Variants in TBC1D14 observed in about 807,000 individuals in gnomAD.
TBC1D14 encodes the protein TBC1 domain family, member 14.
Under a neutral mutation model 79.0 loss-of-function variants are expected in TBC1D14, and 26 were observed. The ratio of observed to expected loss-of-function variants is 0.33; its 90% CI spans 0.24 to 0.46. The LOEUF is 0.46. Ranked by LOEUF, TBC1D14 falls within the 20% of genes least tolerant of loss-of-function variation. The pLI is 1.00. For missense variants in TBC1D14, 769 were observed against 887.6 expected (o/e 0.87, Z 1.70); for synonymous variants, 394 against 349.9 (o/e 1.13, Z -1.40).
chr4:7,029,983 C>T (rs1464383857), intron 13 of TBC1D14, among the ~76,000 whole-genome samples: 1 of 152,154 alleles, frequency 6.6e-6, no homozygotes, highest in Non-Finnish European at 1.5e-5. Flanking sequence ...GGCAGGAGTG[C>T]AGCGGGATGG....
At chr4:6,978,054 C>A (rs950694022) in intron 3 of TBC1D14, among the ~76,000 whole-genome samples, 1 of 151,754 alleles carries the variant, frequency 6.6e-6, no homozygotes, top group Non-Finnish European at 1.5e-5. Flanking sequence ...GCAGCCACCC[C>A]GTCTGGGAGG....
intron 11 of TBC1D14, among the ~76,000 whole-genome samples, chr4:7,013,183 G>T (rs1577171031): frequency 6.6e-6 from 1 of 152,356 alleles, no homozygotes; most frequent in South Asian, 2.1e-4. Flanking sequence ...TTGAACTTAG[G>T]ACTGTGTGAC....
chr4:6,928,325 T>C (rs1452726973), intron 2 of TBC1D14, among the ~76,000 whole-genome samples: 3 of 152,134 alleles, frequency 2.0e-5, no homozygotes, highest in African/African-American at 7.2e-5. Flanking sequence ...GGGAGCTCCT[T>C]GGGGGCAGAG....
chr4:7,019,949 G>T (rs578092399), intron 12 of TBC1D14, among the ~76,000 whole-genome samples: 4 of 140,344 alleles, frequency 2.9e-5, no homozygotes, highest in Admixed American at 7.1e-5. Flanking sequence ...GGGCACAGAG[G>T]TGGGTATGTG....
At chr4:6,968,673 C>CGGGAGAAGGCTGACTGCT (rs1715922646) in intron 3 of TBC1D14, among the ~76,000 whole-genome samples, 2 of 51,220 alleles carry the variant, frequency 3.9e-5, no homozygotes. Context: ...GGCTGACCGC[C>CGGGAGAAGGCTGACTGCT]GGGAGGAGGC....
At chr4:7,000,865 C>T (rs1247027416) in intron 6 of TBC1D14, among the ~76,000 whole-genome samples, 1 of 152,230 alleles carries the variant, frequency 6.6e-6, no homozygotes, top group African/African-American at 2.4e-5. Flanking sequence ...CCTTCATGTG[C>T]TCAGGTCATT....
In TBC1D14 at chr4:7,000,455, CA is replaced by C. The variant is rs199877962; in HGVS notation, c.1164-689del. On this transcript the variant is annotated intron_variant, in intron 6 of 13. Transcript: ENST00000409757. ...GGAGAGATCATTTGTCCGGATTCCA[CA>C]GGTAAGGATGGAGTTAGGATGCAGC... Among the ~76,000 whole-genome samples, 590 of 152,338 alleles carry C rather than the reference CA, an allele frequency of 3.9e-3. 6 individuals carry two copies. Among genetic ancestry groups the C allele is most frequent in the African/African-American group, 0.012 (509 of 41,580 alleles).
intron 2 of TBC1D14, among the ~76,000 whole-genome samples, chr4:6,950,228 A>G (rs1414058622): frequency 5.9e-5 from 9 of 152,216 alleles, no homozygotes; most frequent in Admixed American, 3.3e-4. Context: ...GTGTCCCTGC[A>G]AAGGACGTGA....
chr4:7,013,965 G>C (rs111481687), intron 11 of TBC1D14, among the ~76,000 whole-genome samples: 5 of 152,298 alleles, frequency 3.3e-5, no homozygotes, highest in African/African-American at 9.6e-5. Context: ...TAGCGAGGAT[G>C]GTCTCGATCT....
Position 7,006,709 on chromosome 4 carries a change from C to T in TBC1D14, c.1429C>T (p.Leu477Phe). Residue 477 changes from leucine (L) to phenylalanine (F), a missense_variant, in exon 9 of 14, where the codon CTC becomes TTC. Leu to Phe is a conservative substitution (Grantham distance 22). Coordinates refer to ENST00000409757, the MANE Select transcript of TBC1D14 (RefSeq NM_020773.3). ...KLDISRTFPN[L>F]CIFQQGGPYH... ...GGACATTTCTAGAACATTTCCTAATCTCTGCATTTTCCAGCAAGTAAGTGG... is the reference window on the plus strand; with the variant it reads ...GGACATTTCTAGAACATTTCCTAATTTCTGCATTTTCCAGCAAGTAAGTGG... The T allele has an allele frequency of 6.2e-7, 1 of 1,613,620 alleles. No homozygotes were observed. The highest frequency in any genetic ancestry group is 8.5e-7 in the Non-Finnish European group (1 of 1,179,846).
chr4:6,940,551 C>G (rs1239192190), intron 2 of TBC1D14, among the ~76,000 whole-genome samples: 1 of 152,032 alleles, frequency 6.6e-6, no homozygotes, highest in East Asian at 1.9e-4. Context: ...AGGTTCTTGC[C>G]TGAGGGTGTG....
At chr4:7,024,614 C>T (rs1043023954) in intron 12 of TBC1D14, among the ~76,000 whole-genome samples, 3 of 152,200 alleles carry the variant, frequency 2.0e-5, no homozygotes, top group Non-Finnish European at 4.4e-5. Flanking sequence ...TGTGCAGTGG[C>T]GCCAGCATTG....
At chr4:6,939,543 T>C (rs1044706109) in intron 2 of TBC1D14, among the ~76,000 whole-genome samples, 3 of 152,140 alleles carry the variant, frequency 2.0e-5, no homozygotes, top group African/African-American at 4.8e-5. Context: ...TTAGAGATTA[T>C]CTGCCCGAGG....
intron 3 of TBC1D14, among the ~76,000 whole-genome samples, chr4:6,970,954 C>T (rs1716168951): frequency 7.0e-6 from 1 of 143,078 alleles, no homozygotes; most frequent in Non-Finnish European, 1.5e-5. Context: ...TTGGACCTGC[C>T]TCAAGGAGCC....
At chr4:6,976,947 T>C (rs540173431) in intron 3 of TBC1D14, among the ~76,000 whole-genome samples, 1 of 151,478 alleles carries the variant, frequency 6.6e-6, no homozygotes, top group African/African-American at 2.4e-5. Flanking sequence ...TACATAACTC[T>C]CATTTCCTGG....
chr4:7,028,134 A>C (rs1342121800), intron 13 of TBC1D14, among the ~76,000 whole-genome samples: 3 of 151,338 alleles, frequency 2.0e-5, no homozygotes, highest in Admixed American at 6.6e-5. Flanking sequence ...CACACATCAC[A>C]CCCACACGTA....
intron 3 of TBC1D14, among the ~76,000 whole-genome samples, chr4:6,978,450 T>C (rs1382366378): frequency 1.5e-4 from 22 of 150,348 alleles, no homozygotes; most frequent in African/African-American, 5.0e-4. Flanking sequence ...CCCCCAACCC[T>C]GTGCTCTCTG....
chr4:6,990,777 G>A (rs1718411230), intron 3 of TBC1D14, among the ~76,000 whole-genome samples: 1 of 152,118 alleles, frequency 6.6e-6, no homozygotes, highest in African/African-American at 2.4e-5. Context: ...TTATAGCTGA[G>A]AACAGACTGA....
Position 6,950,235 on chromosome 4 carries a change from G to A in TBC1D14, c.723-17069G>A, listed in dbSNP as rs535826252. On this transcript the variant is annotated intron_variant, in intron 2 of 13. Transcript: ENST00000409757. ...CTTCATCCGTGTCCCTGCAAAGGAC[G>A]TGAACTCATTATTTTTTATGGCTAA... 8.5e-5 allele frequency among the ~76,000 whole-genome samples: 13 copies of A among 152,332 alleles called. No individual in the cohort carries two copies. In the South Asian group the frequency reaches 2.7e-3, roughly 32 times the overall value.
Sources: allele counts gnomAD v4.1 joint callset (sites outside exome capture counted in the v4.1 genomes callset), GRCh38; gene constraint gnomAD v4.1.1; transcripts MANE v1.5; gene names NCBI Gene and HGNC (gene_info 2026-07-23, HGNC 2026-07-21).